The following ALG5 variants were observed in gnomAD, a reference collection of about 807,000 sequenced individuals.
The protein encoded by ALG5 is ALG5 dolichyl-phosphate beta-glucosyltransferase.
In ALG5, 26 loss-of-function variants were observed where a neutral mutation model predicts 51.8. The ratio of observed to expected loss-of-function variants is 0.50; its 90% CI spans 0.37 to 0.70. The LOEUF is 0.70. ALG5 is among the 30% of genes least tolerant of loss of function. The pLI, the probability that ALG5 is intolerant of heterozygous loss-of-function variation, is 0.00. For missense variants in ALG5, 311 were observed against 399.3 expected, an observed-to-expected ratio of 0.78 and a Z score of 1.88; for synonymous variants, 141 against 136.1, an observed-to-expected ratio of 1.04 and a Z score of -0.25.
At chr13:36,978,732 G>A (rs902301235) in intron 6 of ALG5, among the ~76,000 whole-genome samples, 2 of 151,054 alleles carry the variant, frequency 1.3e-5, no homozygotes, top group African/African-American at 4.9e-5. Flanking sequence ...GGCCACCATG[G>A]TGAGACCCCA....
At chr13:36,972,861 G>A (rs145956726) in intron 6 of ALG5, among the ~76,000 whole-genome samples, 27 of 151,780 alleles carry the variant, frequency 1.8e-4, no homozygotes, top group African/African-American at 5.8e-4. Context: ...GCGTGGTGGC[G>A]GGCGCCTGTA....
At chr13:36,987,973 C>G (rs1187789373) in intron 5 of ALG5, among the ~76,000 whole-genome samples, 1 of 152,222 alleles carries the variant, frequency 6.6e-6, no homozygotes, top group African/African-American at 2.4e-5. Context: ...TATCTCCAGT[C>G]AAGACGTGGG....
intron 6 of ALG5, among the ~76,000 whole-genome samples, chr13:36,984,110 T>C (rs2058991685): frequency 6.6e-6 from 1 of 151,904 alleles, no homozygotes; most frequent in African/African-American, 2.4e-5. Context: ...ATTTTTTTTT[T>C]TTTTTTGAGA....
At position 36,965,701 on chromosome 13, in the gene ALG5, A is replaced by ATGAGAAGAG; in HGVS notation, c.638_646dup (p.Thr213_Leu215dup). The ATGAGAAGAG allele has an allele frequency of 6.2e-7, 1 of 1,613,972 alleles. No homozygotes were observed. Among genetic ancestry groups the ATGAGAAGAG allele is most frequent in the Non-Finnish European group, 8.5e-7 (1 of 1,179,922 alleles). ...CCACACCAGAAAGTGGAACCCATAC[A>ATGAGAAGAG]TGAGAAGAGTACGGAAGTAAGAACG... On this transcript the variant is annotated inframe_insertion, in exon 8 of 10. Transcript: ENST00000239891.
chr13:36,974,657 C>T (rs2058941512), intron 6 of ALG5, among the ~76,000 whole-genome samples: 1 of 151,988 alleles, frequency 6.6e-6, no homozygotes. Context: ...GCACCACATA[C>T]CTACTACCTA....
chr13:36,958,097 C>G (rs772886818), intron 8 of ALG5, among the ~76,000 whole-genome samples: 1 of 152,078 alleles, frequency 6.6e-6, no homozygotes, highest in African/African-American at 2.4e-5. Flanking sequence ...AAGCGACAAC[C>G]GTGAGGAAAG....
At chr13:36,952,395 G>C in intron 9 of ALG5, 119 bp downstream of exon 9, 1 of 690,980 alleles carries the variant, frequency 1.4e-6, no homozygotes, top group Non-Finnish European at 2.4e-6. Context: ...GGATCTTTGA[G>C]TCAAGACAGC....
intron 8 of ALG5, among the ~76,000 whole-genome samples, chr13:36,963,181 C>T (rs1373295914): frequency 2.0e-5 from 3 of 152,110 alleles, no homozygotes; most frequent in Non-Finnish European, 4.4e-5. Context: ...TAACTCCCGG[C>T]CTCAAGTGAT....
At chr13:36,989,608 T>C (rs371258342) in intron 4 of ALG5, 32 bp from the exon 5 acceptor site, 5 of 1,497,114 alleles carry the variant, frequency 3.3e-6, no homozygotes, top group Non-Finnish European at 4.6e-6. Context: ...AGAATAAAAT[T>C]AATTTGGATT....
chr13:36,998,637 G>A (rs2059063767), intron 1 of ALG5, among the ~76,000 whole-genome samples: 1 of 152,288 alleles, frequency 6.6e-6, no homozygotes, highest in South Asian at 2.1e-4. Flanking sequence ...TATATTTAGG[G>A]TGCTTAATTC....
intron 3 of ALG5, 82 bp downstream of exon 3, chr13:36,994,907 G>C: frequency 8.1e-7 from 1 of 1,229,758 alleles, no homozygotes; most frequent in Non-Finnish European, 1.2e-6. Context: ...GCCTCTCACA[G>C]TGCATCTGGC....
rs1383150246 is a variant in ALG5, at chr13:36,985,672, A to G, written c.516T>C (p.Asp172=). Residue 172 remains aspartate, a synonymous_variant, in exon 6 of 10, where the codon GAT becomes GAC. Coordinates refer to ENST00000239891, the MANE Select transcript of ALG5 (RefSeq NM_013338.5). ...TTAGCCCCTTTTCTAATTTCTCAACATCTGGAAACTTTGTGGCTCCATCAG... is the reference window on the plus strand; with the variant it reads ...TTAGCCCCTTTTCTAATTTCTCAACGTCTGGAAACTTTGTGGCTCCATCAG... ...ADADGATKFP[D]VEKLEKGLND... is the part of the protein sequence containing the mutation. 1 of 1,613,852 alleles carries G rather than the reference A, an allele frequency of 6.2e-7. No individual in the cohort carries two copies. Among genetic ancestry groups the G allele is most frequent in the Admixed American group, 1.7e-5 (1 of 60,002 alleles).
At chr13:36,950,089 G>A in intron 9 of ALG5, 32 bp from the exon 10 acceptor site, 1 of 1,379,742 alleles carries the variant, frequency 7.2e-7, no homozygotes, top group African/African-American at 1.4e-5. Context: ...AAACAAATTA[G>A]CTTAAATAAA....
At chr13:36,982,537 G>A (rs1227143848) in intron 6 of ALG5, among the ~76,000 whole-genome samples, 1 of 152,228 alleles carries the variant, frequency 6.6e-6, no homozygotes, top group Non-Finnish European at 1.5e-5. Flanking sequence ...TTGAGCAGCT[G>A]CCACAGAGGC....
intron 8 of ALG5, among the ~76,000 whole-genome samples, chr13:36,962,930 A>G (rs932282560): frequency 2.6e-5 from 4 of 152,164 alleles, no homozygotes; most frequent in African/African-American, 9.7e-5. Context: ...AATATATTGG[A>G]TAACAAGTAA....
upstream of ALG5, chr13:36,999,345 G>C (rs372353224): frequency 1.3e-6 from 2 of 1,490,106 alleles, no homozygotes; most frequent in Middle Eastern, 1.8e-4. Context: ...CTCCACACAG[G>C]CGGAAGCGCG....
In ALG5 at chr13:36,972,991, C is replaced by CAAA. The variant is rs375217175; in HGVS notation, c.562-958_562-956dup. Among the ~76,000 whole-genome samples, 331 of 108,560 alleles carry CAAA rather than the reference C, an allele frequency of 3.0e-3. 4 individuals are homozygous for CAAA. Among genetic ancestry groups the CAAA allele is most frequent in the East Asian group, 9.8e-3 (38 of 3,876 alleles). The allele number at this position is 108,560 out of a possible 152,430, so 71.2% of individuals were successfully genotyped here. A position where few individuals can be genotyped will look rare whatever the true frequency, so the allele number is the denominator to read the frequency against. On this transcript the variant is annotated intron_variant, in intron 6 of 9. Transcript: ENST00000239891. ...TGGGAGACAGAGCAAGACTCCGTCT[C>CAAA]AAAAAAAAAAAAAAAAAATCAATGC...
intron 8 of ALG5, among the ~76,000 whole-genome samples, chr13:36,964,475 C>T (rs1422548125): frequency 6.6e-6 from 1 of 152,128 alleles, no homozygotes; most frequent in African/African-American, 2.4e-5. Context: ...TGGAGAATGT[C>T]AGGGCTGATG....
chr13:36,998,614 T>G (rs974802187), intron 1 of ALG5, among the ~76,000 whole-genome samples: 1 of 152,140 alleles, frequency 6.6e-6, no homozygotes, highest in Non-Finnish European at 1.5e-5. Flanking sequence ...CGTCCTGCCT[T>G]GTTTAGGGGC....
Sources: gnomAD v4.1 joint callset for allele counts (sites outside exome capture counted in the v4.1 genomes callset) on GRCh38, gnomAD v4.1.1 for gene constraint, MANE v1.5 for transcripts, NCBI Gene and HGNC (gene_info 2026-07-23, HGNC 2026-07-21) for gene names.